AP4E1: variants seen among roughly 807,000 people sequenced by gnomAD.
AP4E1 encodes the protein adaptor related protein complex 4 subunit epsilon 1, also known as AP-4 complex subunit epsilon-1.
Under a neutral mutation model 128.2 loss-of-function variants are expected in AP4E1, and 56 were observed. The observed-to-expected ratio is 0.44, with a 90% CI of 0.35 to 0.55. The LOEUF (loss-of-function observed/expected upper bound fraction) is 0.55. Among genes scored for constraint, AP4E1 ranks in the 20% least tolerant of loss-of-function variants. AP4E1 has a pLI of 0.00. For missense variants in AP4E1, 1,324 were observed against 1,307.7 expected (o/e 1.01, Z -0.19); for synonymous variants, 484 against 473.1 (o/e 1.02, Z -0.30).
intron 10 of AP4E1, chr15:50,945,621 T>C (rs2064049566): frequency 2.6e-6 from 2 of 765,210 alleles, no homozygotes. Context: ...GGGAGGTATA[T>C]CACACAAAGC....
intron 15 of AP4E1, among the ~76,000 whole-genome samples, chr15:50,982,635 A>G (rs1055227234): frequency 1.3e-5 from 2 of 152,226 alleles, no homozygotes; most frequent in Non-Finnish European, 2.9e-5. Flanking sequence ...TCTAGTTCAC[A>G]TACCTAGTTA....
At chr15:50,989,103 G>A (rs780333835) in intron 16 of AP4E1, among the ~76,000 whole-genome samples, 5 of 152,104 alleles carry the variant, frequency 3.3e-5, no homozygotes, top group Non-Finnish European at 7.4e-5. Flanking sequence ...TTACCCAAGA[G>A]GTGAGTTTAC....
intron 8 of AP4E1, among the ~76,000 whole-genome samples, chr15:50,937,764 A>C (rs1230830574): frequency 2.0e-5 from 3 of 152,144 alleles, no homozygotes; most frequent in Non-Finnish European, 4.4e-5. Flanking sequence ...AGGTGTAGAC[A>C]TGGGGCTATT....
intron 16 of AP4E1, among the ~76,000 whole-genome samples, chr15:50,991,489 T>C (rs2140925879): frequency 6.6e-6 from 1 of 152,290 alleles, no homozygotes; most frequent in Non-Finnish European, 1.5e-5. Context: ...CATGACCACT[T>C]GGGATCTGCT....
At chr15:50,943,958 CTG>C (rs1400669884) in intron 10 of AP4E1, among the ~76,000 whole-genome samples, 1 of 152,114 alleles carries the variant, frequency 6.6e-6, no homozygotes, top group Admixed American at 6.5e-5. Context: ...TTGTGGGTAA[CTG>C]AAGCCATGGG....
At chr15:50,987,024 G>C (rs1454963901) in intron 16 of AP4E1, among the ~76,000 whole-genome samples, 1 of 152,116 alleles carries the variant, frequency 6.6e-6, no homozygotes, top group African/African-American at 2.4e-5. Flanking sequence ...ACTTCTTCCT[G>C]GTTTAGCCTT....
At chr15:50,985,185 G>A (rs1336858977) in intron 16 of AP4E1, among the ~76,000 whole-genome samples, 1 of 152,016 alleles carries the variant, frequency 6.6e-6, no homozygotes, top group Non-Finnish European at 1.5e-5. Context: ...ATTTGTTTGA[G>A]TTCTTTGTAG....
At chr15:50,997,956 G>A in intron 18 of AP4E1, 73 bp downstream of exon 18, 1 of 1,197,900 alleles carries the variant, frequency 8.3e-7, no homozygotes, top group South Asian at 1.4e-5. Context: ...CTCTTTAAAT[G>A]TCTCCTTCAC....
chr15:50,990,744 A>G (rs2064795101), intron 16 of AP4E1, among the ~76,000 whole-genome samples: 1 of 152,182 alleles, frequency 6.6e-6, no homozygotes, highest in African/African-American at 2.4e-5. Flanking sequence ...GTCGATCATA[A>G]GTATGTATGC....
At chr15:50,924,953 A>G in intron 4 of AP4E1, 145 bp from the exon 5 acceptor site, 3 of 1,004,978 alleles carry the variant, frequency 3.0e-6, no homozygotes, top group Non-Finnish European at 4.4e-6. Flanking sequence ...GAGCATTGCA[A>G]TAAAATATGC....
intron 14 of AP4E1, among the ~76,000 whole-genome samples, chr15:50,962,521 A>G (rs1298843523): frequency 1.3e-5 from 2 of 152,086 alleles, no homozygotes; most frequent in Non-Finnish European, 2.9e-5. Context: ...CCTCTTCAAT[A>G]AATAGTGTTG....
Position 50,934,420 on chromosome 15 carries a change from C to G in AP4E1, c.870-204C>G. Reference sequence around the variant, plus strand: ...TTGACATATATATCTCATTGGTTAACTAGTCAACTTTGATAAAGTAGGAAG... The same window carrying G: ...TTGACATATATATCTCATTGGTTAAGTAGTCAACTTTGATAAAGTAGGAAG... On this transcript the variant is annotated intron_variant, in intron 7 of 20. Transcript: ENST00000261842. 3 of 473,768 alleles carry G rather than the reference C, an allele frequency of 6.3e-6. No individual in the cohort carries two copies. The South Asian group carries it at 8.0e-5, about 13-fold the overall frequency. 29.3% of individuals were successfully genotyped at this position (473,768 alleles called of 1,614,324 possible).
intron 15 of AP4E1, 40 bp from the exon 16 acceptor site, chr15:50,983,982 G>T (rs1308965669): frequency 6.2e-7 from 1 of 1,600,552 alleles, no homozygotes; most frequent in South Asian, 1.1e-5. Context: ...TTTTTGCTTT[G>T]TTTTAAATAT....
At chr15:50,970,319 C>T (rs1362468742) in intron 15 of AP4E1, among the ~76,000 whole-genome samples, 1 of 152,182 alleles carries the variant, frequency 6.6e-6, no homozygotes, top group African/African-American at 2.4e-5. Context: ...TATAATACCA[C>T]ATCATTTTCT....
chr15:50,941,622 G>A, intron 9 of AP4E1, 44 bp from the exon 10 acceptor site: 1 of 1,611,810 alleles, frequency 6.2e-7, no homozygotes, highest in South Asian at 1.1e-5. Context: ...AATTTGCTGT[G>A]TATTTGTTTC....
chr15:50,965,924 C>CTT (rs994812361), intron 14 of AP4E1, among the ~76,000 whole-genome samples: 1 of 147,848 alleles, frequency 6.8e-6, no homozygotes. Context: ...AGAAAACTTT[C>CTT]TTTTTTTTTT....
In AP4E1 at chr15:50,910,946, G is replaced by A. The variant is rs2063560505; in HGVS notation, c.151-1132G>A. On this transcript the variant is annotated intron_variant, in intron 1 of 20. Transcript: ENST00000261842. ...CAAAGTGCTGGGATTACAGGCGTGA[G>A]CCACCACGCCTGGCCATTTGTGGCC... Among the ~76,000 whole-genome samples the A allele has an allele frequency of 3.3e-5, 5 of 152,274 alleles. 1 individual carries two copies. The South Asian group carries it at 1.0e-3, about 31-fold the overall frequency.
intron 15 of AP4E1, among the ~76,000 whole-genome samples, chr15:50,977,625 A>G (rs1485920759): frequency 6.6e-6 from 1 of 152,130 alleles, no homozygotes; most frequent in East Asian, 1.9e-4. Flanking sequence ...TGGCTATAAG[A>G]CAAAATAAAG....
intron 16 of AP4E1, among the ~76,000 whole-genome samples, chr15:50,993,018 C>G (rs1401749326): frequency 6.6e-6 from 1 of 152,096 alleles, no homozygotes; most frequent in African/African-American, 2.4e-5. Context: ...CATCTTTAAC[C>G]CATCAGAATT....
Sources: allele counts gnomAD v4.1 joint callset (sites outside exome capture counted in the v4.1 genomes callset), GRCh38; gene constraint gnomAD v4.1.1; transcripts MANE v1.5; gene names NCBI Gene and HGNC (gene_info 2026-07-23, HGNC 2026-07-21).